The following GRM7 variants were observed in gnomAD, a reference collection of about 807,000 sequenced individuals.
GRM7 encodes glutamate metabotropic receptor 7.
GRM7 carries 35 observed loss-of-function variants against 84.5 expected under a neutral mutation model. The ratio of observed to expected loss-of-function variants is 0.41; its 90% confidence interval spans 0.32 to 0.55. The LOEUF (loss-of-function observed/expected upper bound fraction) is 0.55, where lower values mean the gene tolerates loss of function less well. Among genes scored for constraint, GRM7 ranks in the 20% least tolerant of loss-of-function variants. The pLI is 0.19. For synonymous variants in GRM7, 487 were observed against 455.1 expected, an observed-to-expected ratio of 1.07 and a Z score of -0.89; for missense variants, 1,003 against 1,194.6, an observed-to-expected ratio of 0.84 and a Z score of 2.36.
At chr3:7,179,097 C>T (rs1227442392) in intron 2 of GRM7, among the ~76,000 whole-genome samples, 1 of 152,016 alleles carries the variant, frequency 6.6e-6, no homozygotes, top group Non-Finnish European at 1.5e-5. Context: ...CAGAGCCAGA[C>T]TCTATTTAAA....
chr3:7,309,914 A>C (rs1228602193), intron 4 of GRM7, among the ~76,000 whole-genome samples: 1 of 152,180 alleles, frequency 6.6e-6, no homozygotes, highest in Non-Finnish European at 1.5e-5. Flanking sequence ...TCCTGAGCCA[A>C]AACACTTCTG....
chr3:7,324,357 G>A (rs575407712), intron 4 of GRM7, among the ~76,000 whole-genome samples: 2 of 152,266 alleles, frequency 1.3e-5, no homozygotes, highest in South Asian at 4.1e-4. Flanking sequence ...AATGTTGCAA[G>A]GTCCTACCTC....
intron 8 of GRM7, among the ~76,000 whole-genome samples, chr3:7,622,166 A>G (rs1006877527): frequency 6.6e-6 from 1 of 152,146 alleles, no homozygotes; most frequent in Non-Finnish European, 1.5e-5. Context: ...CAGAGTTTGT[A>G]AAGAGCCAGG....
At chr3:7,034,411 G>C (rs1696301258) in intron 1 of GRM7, among the ~76,000 whole-genome samples, 1 of 151,884 alleles carries the variant, frequency 6.6e-6, no homozygotes, top group Non-Finnish European at 1.5e-5. Flanking sequence ...TTATCAAAAA[G>C]AACCACTTCT....
At chr3:7,496,806 T>C (rs962936998) in intron 7 of GRM7, among the ~76,000 whole-genome samples, 1 of 151,936 alleles carries the variant, frequency 6.6e-6, no homozygotes, top group Non-Finnish European at 1.5e-5. Context: ...TAGATGTATG[T>C]GTGTGTGATT....
chr3:7,215,596 C>T (rs752886697), intron 2 of GRM7, among the ~76,000 whole-genome samples: 83 of 151,964 alleles, frequency 5.5e-4, no homozygotes, highest in Non-Finnish European at 9.6e-4. Context: ...ACCCGGGGGG[C>T]GGAGCTTGCA....
intron 2 of GRM7, among the ~76,000 whole-genome samples, chr3:7,256,239 T>C (rs1698194391): frequency 6.6e-6 from 1 of 152,224 alleles, no homozygotes; most frequent in Non-Finnish European, 1.5e-5. Context: ...ATTTTATTTA[T>C]AAGTTTATAG....
At chr3:6,990,670 T>C (rs1030934252) in intron 1 of GRM7, among the ~76,000 whole-genome samples, 3 of 152,180 alleles carry the variant, frequency 2.0e-5, no homozygotes, top group African/African-American at 7.2e-5. Context: ...CTATTCATTA[T>C]CTTCACACTC....
At chr3:7,013,556 A>T (rs1695458425) in intron 1 of GRM7, among the ~76,000 whole-genome samples, 1 of 152,174 alleles carries the variant, frequency 6.6e-6, no homozygotes, top group African/African-American at 2.4e-5. Context: ...TAATGCTTTT[A>T]TAATTTTCTT....
intron 1 of GRM7, among the ~76,000 whole-genome samples, chr3:6,990,056 C>T (rs1002847716): frequency 6.6e-6 from 1 of 152,212 alleles, no homozygotes; most frequent in African/African-American, 2.4e-5. Context: ...TTACCTATAT[C>T]CCTCCCTTCC....
chr3:6,912,415 T>C (rs143130371), intron 1 of GRM7, among the ~76,000 whole-genome samples: 214 of 152,312 alleles, frequency 1.4e-3, no homozygotes, highest in African/African-American at 3.8e-3. Context: ...TGGGAAATGC[T>C]GTCCTACTTT....
At chr3:7,198,723 C>A (rs755524404) in intron 2 of GRM7, among the ~76,000 whole-genome samples, 2 of 151,926 alleles carry the variant, frequency 1.3e-5, no homozygotes, top group Non-Finnish European at 2.9e-5. Context: ...AGTGAAAAAC[C>A]GAATTGTTAT....
At chr3:6,913,437 A>G (rs1240106849) in intron 1 of GRM7, among the ~76,000 whole-genome samples, 2 of 152,184 alleles carry the variant, frequency 1.3e-5, no homozygotes, top group Non-Finnish European at 2.9e-5. Flanking sequence ...GGGGCAATTT[A>G]AAATTGTGAG....
At chr3:7,094,562 AC>A (rs1468285423) in intron 1 of GRM7, among the ~76,000 whole-genome samples, 2 of 152,174 alleles carry the variant, frequency 1.3e-5, no homozygotes, top group African/African-American at 4.8e-5. Context: ...TTTTCCCTGT[AC>A]TAGTTGCACT....
chr3:7,192,608 C>T (rs548692445), intron 2 of GRM7, among the ~76,000 whole-genome samples: 1 of 152,084 alleles, frequency 6.6e-6, no homozygotes, highest in Non-Finnish European at 1.5e-5. Flanking sequence ...GCCATTGACG[C>T]TCTTCTCTCT....
chr3:7,389,713 T>C (rs1436030721), intron 4 of GRM7, among the ~76,000 whole-genome samples: 1 of 152,104 alleles, frequency 6.6e-6, no homozygotes, highest in African/African-American at 2.4e-5. Flanking sequence ...ATGATAAATC[T>C]TCATCCCTTT....
chr3:6,960,273 T>C (rs1402481139), intron 1 of GRM7, among the ~76,000 whole-genome samples: 1 of 152,098 alleles, frequency 6.6e-6, no homozygotes, highest in African/African-American at 2.4e-5. Flanking sequence ...ATTTAAGAAA[T>C]TTGCAAAGAA....
At chr3:7,234,493 A>T (rs1340918900) in intron 2 of GRM7, among the ~76,000 whole-genome samples, 2 of 152,192 alleles carry the variant, frequency 1.3e-5, no homozygotes, top group Non-Finnish European at 2.9e-5. Context: ...ATGTTTATGA[A>T]GTTCTTAGTC....
At chr3:6,877,359 T>C (rs1695346503) in intron 1 of GRM7, among the ~76,000 whole-genome samples, 1 of 152,182 alleles carries the variant, frequency 6.6e-6, no homozygotes, top group African/African-American at 2.4e-5. Context: ...ATCTTACTAT[T>C]GTTGACTGGG....
Sources: gnomAD v4.1 joint callset for allele counts (sites outside exome capture counted in the v4.1 genomes callset) on GRCh38, gnomAD v4.1.1 for gene constraint, MANE v1.5 for transcripts, NCBI Gene and HGNC (gene_info 2026-07-23, HGNC 2026-07-21) for gene names.